The following PRKG1 variants were observed in gnomAD, a reference collection of about 807,000 sequenced individuals.
The protein encoded by PRKG1 is cGMP-dependent protein kinase 1.
PRKG1 carries 35 observed loss-of-function variants against 88.1 expected under a neutral mutation model. That is an observed-to-expected ratio of 0.40 (90% CI 0.30 to 0.53). The LOEUF (loss-of-function observed/expected upper bound fraction) is 0.53, where lower values mean the gene tolerates loss of function less well. Among genes scored for constraint, PRKG1 ranks in the 20% least tolerant of loss-of-function variants. The probability of loss-of-function intolerance (pLI) is 0.59; values close to 1 mark genes in which losing one functional copy is unlikely to be tolerated. For missense variants in PRKG1, 540 were observed against 839.8 expected, an observed-to-expected ratio of 0.64 and a Z score of 4.41; for synonymous variants, 303 against 292.5, an observed-to-expected ratio of 1.04 and a Z score of -0.37.
intron 7 of PRKG1, chr10:52,128,510 G>A: frequency 1.0e-6 from 1 of 985,394 alleles, no homozygotes; most frequent in Non-Finnish European, 1.2e-6. Flanking sequence ...CGATGATGAA[G>A]ATTCCAGTGA....
chr10:51,649,289 T>C (rs1839984761), intron 3 of PRKG1, among the ~76,000 whole-genome samples: 1 of 152,122 alleles, frequency 6.6e-6, no homozygotes, highest in African/African-American at 2.4e-5. Context: ...AGAGAAGAAA[T>C]AATCACTAGA....
At chr10:51,499,254 A>G (rs1840953274) in intron 3 of PRKG1, among the ~76,000 whole-genome samples, 1 of 152,074 alleles carries the variant, frequency 6.6e-6, no homozygotes, top group African/African-American at 2.4e-5. Context: ...CAGCTGTGCA[A>G]CTCTATGAGT....
intron 1 of PRKG1, among the ~76,000 whole-genome samples, chr10:51,018,818 C>A (rs189703800): frequency 6.0e-4 from 92 of 152,282 alleles, no homozygotes; most frequent in Non-Finnish European, 1.2e-3. Context: ...GTACAGTGGG[C>A]TACAGAAGTA....
At chr10:51,363,236 C>T (rs1444044363) in intron 2 of PRKG1, among the ~76,000 whole-genome samples, 1 of 151,522 alleles carries the variant, frequency 6.6e-6, no homozygotes, top group Non-Finnish European at 1.5e-5. Flanking sequence ...AAAAAATTCT[C>T]GCACTCCATC....
At chr10:51,549,120 C>CTTTTTTTTTTTTTTTTTCT (rs1842516139) in intron 3 of PRKG1, among the ~76,000 whole-genome samples, 1 of 70,326 alleles carries the variant, frequency 1.4e-5, no homozygotes, top group Non-Finnish European at 2.6e-5. Flanking sequence ...CTTTTCTTTT[C>CTTTTTTTTTTTTTTTTTCT]TTTTTTTTTT....
At chr10:52,059,975 T>C (rs1259252804) in intron 6 of PRKG1, among the ~76,000 whole-genome samples, 2 of 151,820 alleles carry the variant, frequency 1.3e-5, no homozygotes, top group African/African-American at 4.8e-5. Context: ...AACACCAACA[T>C]GGCAGAACAT....
intron 3 of PRKG1, among the ~76,000 whole-genome samples, chr10:51,648,146 A>AT (rs1292084728): frequency 1.4e-4 from 21 of 152,288 alleles, no homozygotes; most frequent in Admixed American, 1.4e-3. Flanking sequence ...TTCAATAAAT[A>AT]TTTATGGGAT....
At chr10:51,073,469 G>C (rs1465629265), upstream of PRKG1, among the ~76,000 whole-genome samples, 1 of 152,130 alleles carries the variant, frequency 6.6e-6, no homozygotes, top group Non-Finnish European at 1.5e-5. Context: ...GCTCGGGAAT[G>C]ATTTTTAACC....
chr10:52,214,089 T>A (rs1163600473), intron 9 of PRKG1, among the ~76,000 whole-genome samples: 3 of 152,176 alleles, frequency 2.0e-5, no homozygotes, highest in Non-Finnish European at 4.4e-5. Context: ...CCATCCAATA[T>A]GTCAGCCATT....
chr10:51,561,516 C>T (rs1372653832), intron 3 of PRKG1, among the ~76,000 whole-genome samples: 1 of 151,974 alleles, frequency 6.6e-6, no homozygotes, highest in Non-Finnish European at 1.5e-5. Context: ...TATCAACAGC[C>T]CTTCCATGTT....
chr10:51,053,914 C>G (rs538343692), intron 1 of PRKG1, among the ~76,000 whole-genome samples: 2 of 151,846 alleles, frequency 1.3e-5, no homozygotes, highest in African/African-American at 4.8e-5. Context: ...TTTATAAATG[C>G]TTCTCTAGTG....
intron 2 of PRKG1, among the ~76,000 whole-genome samples, chr10:51,424,334 T>C (rs534122917): frequency 6.6e-6 from 1 of 152,100 alleles, no homozygotes; most frequent in Non-Finnish European, 1.5e-5. Context: ...TTTTATCTTA[T>C]GAATTACAGA....
At chr10:51,287,744 A>G (rs1032813649) in intron 2 of PRKG1, among the ~76,000 whole-genome samples, 2 of 152,156 alleles carry the variant, frequency 1.3e-5, no homozygotes, top group Non-Finnish European at 2.9e-5. Flanking sequence ...CCAGGCTGAG[A>G]TACATATATA....
chr10:51,656,414 A>G (rs2132322576), intron 3 of PRKG1, among the ~76,000 whole-genome samples: 1 of 152,206 alleles, frequency 6.6e-6, no homozygotes, highest in Non-Finnish European at 1.5e-5. Flanking sequence ...CATTCAAAAA[A>G]CTTTGTATTG....
chr10:51,699,651 G>C, intron 3 of PRKG1: 1 of 1,366,862 alleles, frequency 7.3e-7, no homozygotes, highest in Non-Finnish European at 1.0e-6. Context: ...CAAGATCCGG[G>C]CAGAAACTTT....
At chr10:51,061,582 G>A (rs1442799354) in intron 1 of PRKG1, among the ~76,000 whole-genome samples, 2 of 151,980 alleles carry the variant, frequency 1.3e-5, no homozygotes, top group African/African-American at 4.8e-5. Context: ...TCTATTTTCT[G>A]TCCTTTCGAG....
At chr10:51,669,951 T>C (rs976489069) in intron 3 of PRKG1, among the ~76,000 whole-genome samples, 5 of 152,188 alleles carry the variant, frequency 3.3e-5, no homozygotes, top group African/African-American at 1.2e-4. Context: ...TCTATCAATT[T>C]CAGAGGGGGG....
intron 2 of PRKG1, among the ~76,000 whole-genome samples, chr10:51,367,880 C>T (rs1842622397): frequency 1.3e-5 from 2 of 151,956 alleles, no homozygotes; most frequent in African/African-American, 4.8e-5. Context: ...ACTCAAAGAT[C>T]CAGTCCTTAA....
chr10:51,926,176 G>A (rs963396610), intron 5 of PRKG1, among the ~76,000 whole-genome samples: 3 of 152,090 alleles, frequency 2.0e-5, no homozygotes, highest in Non-Finnish European at 4.4e-5. Context: ...AATTTAATGT[G>A]GTCAGAAGTG....
Sources: allele counts gnomAD v4.1 joint callset (sites outside exome capture counted in the v4.1 genomes callset), GRCh38; gene constraint gnomAD v4.1.1; transcripts MANE v1.5; gene names NCBI Gene and HGNC (gene_info 2026-07-23, HGNC 2026-07-21).